Variants in DENND5A observed in about 807,000 individuals in gnomAD.
DENND5A encodes DENN domain containing 5A.
A neutral mutation model predicts 140.3 loss-of-function variants in DENND5A; 64 were observed. The observed-to-expected ratio is 0.46, with a 90% CI of 0.37 to 0.56. DENND5A has a LOEUF of 0.56. Ranked by LOEUF, DENND5A falls within the 20% of genes least tolerant of loss-of-function variation. DENND5A has a pLI of 0.00. For synonymous variants in DENND5A, 605 were observed against 607.7 expected, an observed-to-expected ratio of 1.00 and a Z score of 0.07; for missense variants, 1,292 against 1,593.8, an observed-to-expected ratio of 0.81 and a Z score of 3.22.
chr11:9,259,352 A>G (rs1451463982), intron 1 of DENND5A, among the ~76,000 whole-genome samples: 1 of 151,612 alleles, frequency 6.6e-6, no homozygotes, highest in Admixed American at 6.6e-5. Flanking sequence ...AGGTCAGGAG[A>G]TCAAGACCAT....
chr11:9,192,419 G>A (rs2136193992), intron 5 of DENND5A, among the ~76,000 whole-genome samples: 1 of 152,240 alleles, frequency 6.6e-6, no homozygotes, highest in East Asian at 1.9e-4. Flanking sequence ...ATGAGGTCAG[G>A]CGTTCGAGAC....
At position 9,244,085 on chromosome 11, in the gene DENND5A, G is replaced by A. The variant is rs527899017; in HGVS notation, c.109+20876C>T. On this transcript the variant is annotated intron_variant, in intron 1 of 22. Transcript: ENST00000328194. ...GTCAAAAGTTACTTGTGGATTTTCT[G>A]CTACACAGAGAATTAGTGCCCCTAA... Among the ~76,000 whole-genome samples, 126 of 152,260 alleles carry A rather than the reference G, an allele frequency of 8.3e-4. 2 individuals carry two copies. The South Asian group carries it at 0.024, about 29-fold the overall frequency.
intron 1 of DENND5A, among the ~76,000 whole-genome samples, chr11:9,238,463 C>G (rs969965289): frequency 6.6e-6 from 1 of 151,700 alleles, no homozygotes; most frequent in Non-Finnish European, 1.5e-5. Flanking sequence ...GCTCTGTCAC[C>G]TAGGCTGCAG....
chr11:9,143,047 A>G, intron 20 of DENND5A: 1 of 640,408 alleles, frequency 1.6e-6, no homozygotes, highest in Middle Eastern at 4.3e-4. Flanking sequence ...ATGAAAGAAG[A>G]GATGATGGAT....
intron 1 of DENND5A, among the ~76,000 whole-genome samples, chr11:9,224,321 C>T (rs777530413): frequency 3.9e-5 from 6 of 152,180 alleles, no homozygotes; most frequent in Admixed American, 2.0e-4. Context: ...TCAAGCCTTA[C>T]GCAAATCACT....
Position 9,206,728 on chromosome 11 carries a change from G to A in DENND5A, c.236C>T (p.Ala79Val), listed in dbSNP as rs1849703078. 1.2e-6 allele frequency: 2 copies of A among 1,613,752 alleles called. No homozygotes were observed. The highest frequency in any genetic ancestry group is 1.7e-6 in the Non-Finnish European group (2 of 1,179,908). The stretch of plus-strand genomic sequence containing the variant: ...CCATTCTACGTTCTCAGGATATCGT[G>A]CAAGGACCTTAGATTTGAATGTTCT... ...LRRTFKSKVLARYPENVEWNP... is the reference protein window; with the variant it reads ...LRRTFKSKVLVRYPENVEWNP... The change falls in exon 3 of 23, where the codon GCA becomes GTA. Residue 79 changes from alanine (A) to valine (V), a missense_variant. Physicochemically the swap from Ala to Val is moderately conservative, Grantham distance 64 (BLOSUM62 0). This residue lies in a region of DENND5A where 566 missense variants were observed against 650.4 expected (regional missense o/e 0.87). Coordinates refer to ENST00000328194, the MANE Select transcript of DENND5A (RefSeq NM_015213.4).
chr11:9,156,707 T>G (rs1041441081), intron 12 of DENND5A, among the ~76,000 whole-genome samples: 1 of 149,586 alleles, frequency 6.7e-6, no homozygotes, highest in East Asian at 2.0e-4. Context: ...CAGGCTGAGG[T>G]GGGAGAATCA....
chr11:9,203,600 T>C, intron 4 of DENND5A, 60 bp downstream of exon 4: 1 of 1,539,074 alleles, frequency 6.5e-7, no homozygotes, highest in Middle Eastern at 1.8e-4. Flanking sequence ...TCACTGTATC[T>C]GAACATGGAA....
chr11:9,194,769 G>C (rs1849259817), intron 4 of DENND5A, among the ~76,000 whole-genome samples: 1 of 150,620 alleles, frequency 6.6e-6, no homozygotes, highest in Non-Finnish European at 1.5e-5. Context: ...GCCCAGGCTA[G>C]AGTGCAGTGG....
intron 1 of DENND5A, among the ~76,000 whole-genome samples, chr11:9,258,091 T>C (rs1852030322): frequency 6.6e-6 from 1 of 152,040 alleles, no homozygotes; most frequent in Admixed American, 6.6e-5. Context: ...CCGTACCCGG[T>C]CTACACACAG....
At chr11:9,157,046 A>T (rs1291318426) in intron 12 of DENND5A, among the ~76,000 whole-genome samples, 1 of 152,196 alleles carries the variant, frequency 6.6e-6, no homozygotes, top group African/African-American at 2.4e-5. Flanking sequence ...AAGAAGCTTC[A>T]CTAACTCCCT....
rs1383649222 is a variant in DENND5A, at chr11:9,142,825, C to G, written c.3408G>C (p.Leu1136Phe). ...AGACAAGGCCACACTCTCCACAGAG[C>G]AACAGCGTCAGACTGCCTCGCTACG... is the stretch of plus-strand genomic sequence containing the variant. Reference protein sequence around the residue: ...PEKERGSLTLLLCGECGLVSA... With the variant: ...PEKERGSLTLFLCGECGLVSA... The change falls in exon 21 of 23, where the codon TTG (leucine) becomes TTC (phenylalanine). Residue 1136 changes from leucine (L) to phenylalanine (F), a missense_variant. Physicochemically the swap from Leu to Phe is conservative, Grantham distance 22 (BLOSUM62 0). Coordinates refer to ENST00000328194, the MANE Select transcript of DENND5A (RefSeq NM_015213.4). 6.2e-7 allele frequency: 1 copy of G among 1,614,068 alleles called. No individual in the cohort carries two copies. Among genetic ancestry groups the G allele is most frequent in the African/African-American group, 1.3e-5 (1 of 74,930 alleles).
chr11:9,209,404 C>G (rs900782112), intron 1 of DENND5A, among the ~76,000 whole-genome samples: 1 of 152,160 alleles, frequency 6.6e-6, no homozygotes, highest in Admixed American at 6.6e-5. Context: ...ACCAGCTGAT[C>G]TGAAGTGTGG....
intron 1 of DENND5A, among the ~76,000 whole-genome samples, chr11:9,250,994 G>C (rs1335114103): frequency 6.6e-6 from 1 of 152,004 alleles, no homozygotes; most frequent in African/African-American, 2.4e-5. Context: ...AATTAGCTGG[G>C]CATGGTGGCA....
intron 8 of DENND5A, among the ~76,000 whole-genome samples, chr11:9,174,950 A>T (rs1848499861): frequency 6.6e-6 from 1 of 151,338 alleles, no homozygotes; most frequent in Non-Finnish European, 1.5e-5. Flanking sequence ...CCAGTGTAAT[A>T]CAGAAAAAAA....
chr11:9,142,982 C>A, intron 20 of DENND5A, 137 bp from the exon 21 acceptor site: 1 of 1,121,558 alleles, frequency 8.9e-7, no homozygotes, highest in East Asian at 2.5e-5. Context: ...TCCCTAACAC[C>A]TGGCACAGTG....
Position 9,228,317 on chromosome 11 carries a change from G to T in DENND5A, c.110-20685C>A, listed in dbSNP as rs72859666. ...AAGGATGGTGGCTGGTCACCAGAAA[G>T]ACCAAGGATGATTACAGGATTGAAA... On this transcript the variant is annotated intron_variant, in intron 1 of 22. Transcript: ENST00000328194. 7.6e-3 allele frequency among the ~76,000 whole-genome samples: 1,149 copies of T among 152,152 alleles called. 8 individuals are homozygous for T. The highest frequency in any genetic ancestry group is 0.013 in the Non-Finnish European group (879 of 67,992).
At chr11:9,243,005 T>C (rs1307459109) in intron 1 of DENND5A, among the ~76,000 whole-genome samples, 1 of 147,884 alleles carries the variant, frequency 6.8e-6, no homozygotes, top group Non-Finnish European at 1.5e-5. Flanking sequence ...GGAAGATCAC[T>C]TGAGCCCAGG....
At chr11:9,208,055 TCAAA>T (rs1284484712) in intron 1 of DENND5A, among the ~76,000 whole-genome samples, 1 of 152,100 alleles carries the variant, frequency 6.6e-6, no homozygotes, top group Non-Finnish European at 1.5e-5. Context: ...TATAAACAGT[TCAAA>T]CAAACAAATC....
Sources: allele counts gnomAD v4.1 joint callset (sites outside exome capture counted in the v4.1 genomes callset), GRCh38; gene constraint gnomAD v4.1.1; regional missense constraint gnomAD v4.1.1; transcripts MANE v1.5; gene names NCBI Gene and HGNC (gene_info 2026-07-23, HGNC 2026-07-21).